Variants in XIRP2 observed in about 807,000 individuals in gnomAD.
XIRP2 encodes the protein xin actin binding repeat containing 2, also known as xin actin-binding repeat-containing protein 2.
In XIRP2, 236 loss-of-function variants were observed where a neutral mutation model predicts 277.0. The observed-to-expected ratio is 0.85, with a 90% confidence interval of 0.77 to 0.95. The LOEUF (loss-of-function observed/expected upper bound fraction) is 0.95. Ranked by LOEUF, XIRP2 falls within the 40% of genes least tolerant of loss-of-function variation. XIRP2 has a pLI of 0.00. For synonymous variants in XIRP2, 1,490 were observed against 1,416.5 expected (o/e 1.05, Z -1.17); for missense variants, 4,640 against 4,157.5 (o/e 1.12, Z -3.19).
At chr2:166,894,045 G>A (rs1299358897) in intron 1 of XIRP2, among the ~76,000 whole-genome samples, 1 of 152,094 alleles carries the variant, frequency 6.6e-6, no homozygotes, top group Non-Finnish European at 1.5e-5. Flanking sequence ...TTCTCTGAGT[G>A]GATTGGTATG....
chr2:166,906,641 G>A (rs1248781580), intron 2 of XIRP2, among the ~76,000 whole-genome samples: 1 of 151,972 alleles, frequency 6.6e-6, no homozygotes, highest in Non-Finnish European at 1.5e-5. Context: ...ACTAGAAAAA[G>A]GGATCTACAG....
chr2:167,147,502 G>A (rs181791690), intron 3 of XIRP2, among the ~76,000 whole-genome samples: 85 of 152,290 alleles, frequency 5.6e-4, no homozygotes, highest in African/African-American at 1.8e-3. Flanking sequence ...AATGGAGAAT[G>A]AGTAACTAAG....
chr2:167,223,802 T>C (rs1694504100), intron 5 of XIRP2, among the ~76,000 whole-genome samples: 1 of 152,184 alleles, frequency 6.6e-6, no homozygotes, highest in African/African-American at 2.4e-5. Flanking sequence ...TTATGAGCAC[T>C]ATTTTAAAGT....
At chr2:166,890,387 C>A (rs567650426) in intron 1 of XIRP2, among the ~76,000 whole-genome samples, 79 of 152,218 alleles carry the variant, frequency 5.2e-4, no homozygotes, top group African/African-American at 1.9e-3. Context: ...AGTTCAAATT[C>A]CAGACCTTGA....
chr2:167,141,870 A>G (rs1691728650), intron 3 of XIRP2, among the ~76,000 whole-genome samples: 1 of 152,110 alleles, frequency 6.6e-6, no homozygotes, highest in Non-Finnish European at 1.5e-5. Flanking sequence ...CAAAAATAAA[A>G]TATAGAAAAG....
chr2:167,029,343 G>T (rs1050190329), intron 2 of XIRP2, among the ~76,000 whole-genome samples: 3 of 152,102 alleles, frequency 2.0e-5, no homozygotes, highest in East Asian at 1.9e-4. Context: ...CTGTGAGTTT[G>T]TCATAAATAG....
Position 167,026,463 on chromosome 2 carries a change from T to C in XIRP2, c.409-109446T>C, listed in dbSNP as rs1414691576. Among the ~76,000 whole-genome samples the C allele has an allele frequency of 3.3e-5, 5 of 152,300 alleles. No individual in the cohort carries two copies. In the South Asian group the frequency reaches 1.0e-3, roughly 32 times the overall value. On this transcript the variant is annotated intron_variant, in intron 2 of 10. Coordinates refer to ENST00000409195, the MANE Select transcript of XIRP2 (RefSeq NM_152381.6). ...GCATTTATCCCATTGATATTTAAAG[T>C]TAATATTGTTATGTGTGAATTTGAT...
At chr2:167,151,546 G>A (rs1692016739) in intron 3 of XIRP2, among the ~76,000 whole-genome samples, 1 of 152,106 alleles carries the variant, frequency 6.6e-6, no homozygotes, top group Non-Finnish European at 1.5e-5. Flanking sequence ...CCAATTATAT[G>A]TATGGCATTG....
At chr2:166,909,923 T>C (rs1287311749) in intron 2 of XIRP2, among the ~76,000 whole-genome samples, 1 of 152,238 alleles carries the variant, frequency 6.6e-6, no homozygotes, top group African/African-American at 2.4e-5. Flanking sequence ...TTTACTGATT[T>C]GCGTATGTTG....
chr2:166,931,792 G>A (rs796926893), intron 2 of XIRP2, among the ~76,000 whole-genome samples: 17 of 152,222 alleles, frequency 1.1e-4, no homozygotes, highest in African/African-American at 4.1e-4. Flanking sequence ...TTGGATAGAA[G>A]TATAATTACT....
At chr2:167,027,461 G>C (rs1382207650) in intron 2 of XIRP2, among the ~76,000 whole-genome samples, 1 of 151,940 alleles carries the variant, frequency 6.6e-6, no homozygotes, top group Non-Finnish European at 1.5e-5. Context: ...ATTTCCTCCT[G>C]TAGCTCGGAG....
chr2:167,193,748 C>T (rs918399331), intron 3 of XIRP2, among the ~76,000 whole-genome samples: 4 of 151,644 alleles, frequency 2.6e-5, no homozygotes, highest in African/African-American at 4.8e-5. Context: ...TGTGGTGGTG[C>T]GTGCCTGTAA....
At chr2:166,983,392 G>A (rs1406428145) in intron 2 of XIRP2, among the ~76,000 whole-genome samples, 1 of 152,046 alleles carries the variant, frequency 6.6e-6, no homozygotes, top group Non-Finnish European at 1.5e-5. Context: ...TTTAATTATA[G>A]TTTTAATAGT....
At chr2:167,007,486 A>G (rs368578659) in intron 2 of XIRP2, among the ~76,000 whole-genome samples, 1 of 151,796 alleles carries the variant, frequency 6.6e-6, no homozygotes. Flanking sequence ...TTCAAATTAT[A>G]CTTATGGAAT....
rs112804296 is a variant in XIRP2, at chr2:166,929,989, C to CA, written c.408+26099_408+26100insA. On this transcript the variant is annotated intron_variant, in intron 2 of 10. Transcript: ENST00000409195. ...GATACAGAGAGTTACTGTAATTTAA[C>CA]GTTTCTAAATGACAATGTATAGCTA... Among the ~76,000 whole-genome samples the CA allele has an allele frequency of 3.6e-3, 553 of 152,178 alleles. 4 individuals are homozygous for CA. The highest frequency in any genetic ancestry group is 0.012 in the African/African-American group (506 of 41,528).
chr2:166,972,295 T>A (rs1207410401), intron 2 of XIRP2, among the ~76,000 whole-genome samples: 1 of 151,972 alleles, frequency 6.6e-6, no homozygotes, highest in Non-Finnish European at 1.5e-5. Context: ...CCACCCAGGG[T>A]TTTTTTGTAG....
intron 3 of XIRP2, among the ~76,000 whole-genome samples, chr2:167,197,351 C>T (rs1290759652): frequency 6.6e-6 from 1 of 152,172 alleles, no homozygotes; most frequent in African/African-American, 2.4e-5. Flanking sequence ...CATGAAAAGA[C>T]AAGCATTAAC....
At chr2:166,982,148 G>A (rs759025082) in intron 2 of XIRP2, among the ~76,000 whole-genome samples, 2 of 151,068 alleles carry the variant, frequency 1.3e-5, no homozygotes, top group East Asian at 1.9e-4. Context: ...TTTTTCTTTC[G>A]ATATTTTAAA....
Position 167,247,742 on chromosome 2 carries a change from C to G in XIRP2, c.6350C>G (p.Ala2117Gly). Reference sequence around the variant, plus strand: ...GATGTCTTTAATTCCATCCAATCTGCTGGTAAAACCGTTGGAAAGCAACAG... The same window carrying G: ...GATGTCTTTAATTCCATCCAATCTGGTGGTAAAACCGTTGGAAAGCAACAG... The part of the protein sequence containing the change: ...KDDVFNSIQS[A>G]GKTVGKQQTY... Residue 2117 changes from alanine (A) to glycine (G), a missense_variant, in exon 9 of 11, where the codon GCT becomes GGT. Transcript: ENST00000409195. The G allele has an allele frequency of 6.2e-7, 1 of 1,613,514 alleles. No homozygotes were observed. The highest frequency in any genetic ancestry group is 8.5e-7 in the Non-Finnish European group (1 of 1,179,702).
Sources: allele counts gnomAD v4.1 joint callset (sites outside exome capture counted in the v4.1 genomes callset), GRCh38; gene constraint gnomAD v4.1.1; transcripts MANE v1.5; gene names NCBI Gene and HGNC (gene_info 2026-07-23, HGNC 2026-07-21).